The following DLC1 variants were observed in gnomAD, a reference collection of about 807,000 sequenced individuals.
DLC1 encodes DLC1 Rho GTPase activating protein, also known as rho GTPase-activating protein 7.
DLC1 carries 54 observed loss-of-function variants against 140.3 expected under a neutral mutation model. The ratio of observed to expected loss-of-function variants is 0.38; its 90% CI spans 0.31 to 0.48. DLC1 has a LOEUF of 0.48. Ranked by LOEUF, DLC1 falls within the 20% of genes least tolerant of loss-of-function variation. DLC1 has a pLI of 0.96. For synonymous variants in DLC1, 986 were observed against 728.1 expected, an observed-to-expected ratio of 1.35 and a Z score of -5.70; for missense variants, 2,536 against 1,907.0, an observed-to-expected ratio of 1.33 and a Z score of -6.14.
chr8:13,288,302 G>A (rs1390945272), intron 5 of DLC1, among the ~76,000 whole-genome samples: 1 of 152,024 alleles, frequency 6.6e-6, no homozygotes, highest in Non-Finnish European at 1.5e-5. Flanking sequence ...TCTGCAGATG[G>A]GGCAATGTAA....
intron 5 of DLC1, chr8:13,304,626 C>T (rs1009760295): frequency 2.2e-6 from 2 of 890,822 alleles, no homozygotes; most frequent in Non-Finnish European, 2.7e-6. Context: ...GATAATATAC[C>T]TTTAATCTGT....
intron 6 of DLC1, among the ~76,000 whole-genome samples, chr8:13,114,218 C>T (rs745473220): frequency 3.9e-4 from 59 of 152,226 alleles, no homozygotes; most frequent in South Asian, 8.3e-4. Flanking sequence ...AAAAATTGGC[C>T]GGGCATGGTG....
rs563998953 is a variant in DLC1 at position 13,389,402 on chromosome 8, G to A, written c.1314+4151C>T. On this transcript the variant is annotated intron_variant, in intron 4 of 17. Transcript: ENST00000276297. ...TTTACATAACATGATACAAGGGCTC[G>A]CGGGTTGTTTATGGAAGAGTCTAGT... Among the ~76,000 whole-genome samples the A allele has an allele frequency of 1.0e-3, 153 of 152,110 alleles. 3 individuals are homozygous for A. The highest frequency in any genetic ancestry group is 3.6e-3 in the African/African-American group (148 of 41,524).
intron 4 of DLC1, among the ~76,000 whole-genome samples, chr8:13,368,524 A>T (rs903245201): frequency 1.5e-4 from 21 of 144,704 alleles, no homozygotes; most frequent in South Asian, 4.4e-4. Flanking sequence ...AGGCAGTTAA[A>T]TTTTTTTTTT....
intron 1 of DLC1, among the ~76,000 whole-genome samples, chr8:13,598,684 A>T (rs186428720): frequency 2.0e-5 from 3 of 152,142 alleles, no homozygotes; most frequent in East Asian, 3.9e-4. Flanking sequence ...ACTTACTATT[A>T]TTGCATTACT....
Position 13,219,011 on chromosome 8 carries a change from T to C in DLC1, c.1348+86258A>G, listed in dbSNP as rs181216277. On this transcript the variant is annotated intron_variant, in intron 5 of 17. Coordinates refer to ENST00000276297, the MANE Select transcript of DLC1 (RefSeq NM_182643.3). ...ATAATTATATACGAATATAATTATATAATTATATACGTATATAATTATGTG... is the reference window on the plus strand; with the variant it reads ...ATAATTATATACGAATATAATTATACAATTATATACGTATATAATTATGTG... Among the ~76,000 whole-genome samples the C allele has an allele frequency of 7.5e-4, 29 of 38,782 alleles. 7 individuals are homozygous for C. Among genetic ancestry groups the C allele is most frequent in the African/African-American group, 2.2e-3 (17 of 7,678 alleles). 25.4% of individuals were successfully genotyped at this position (38,782 alleles called of 152,430 possible).
chr8:13,443,296 A>G (rs1337500991), intron 2 of DLC1, among the ~76,000 whole-genome samples: 2 of 149,894 alleles, frequency 1.3e-5, no homozygotes, highest in African/African-American at 2.5e-5. Context: ...TGGCACATGT[A>G]TACATATGTA....
chr8:13,410,444 C>G (rs992241814), intron 2 of DLC1, among the ~76,000 whole-genome samples: 1 of 151,946 alleles, frequency 6.6e-6, no homozygotes, highest in Non-Finnish European at 1.5e-5. Context: ...ATGTGTACCT[C>G]AAAAATCCAA....
intron 5 of DLC1, among the ~76,000 whole-genome samples, chr8:13,226,146 T>C (rs1828789110): frequency 6.6e-6 from 1 of 152,118 alleles, no homozygotes. Flanking sequence ...ACTTCTGAGC[T>C]CAAACAATCC....
At chr8:13,263,593 C>T (rs1342898113) in intron 5 of DLC1, among the ~76,000 whole-genome samples, 3 of 150,302 alleles carry the variant, frequency 2.0e-5, no homozygotes, top group African/African-American at 7.3e-5. Context: ...TATATCTGTA[C>T]ATATGTGTTT....
At chr8:13,558,864 C>G (rs1804145815) in intron 1 of DLC1, 4 of 152,172 alleles carry the variant, frequency 2.6e-5, no homozygotes, top group African/African-American at 4.8e-5. Context: ...GGGCCGATGA[C>G]TTTTACTTCA....
chr8:13,571,349 G>A (rs747788321), intron 1 of DLC1, among the ~76,000 whole-genome samples: 4 of 152,026 alleles, frequency 2.6e-5, no homozygotes, highest in Admixed American at 6.6e-5. Context: ...AACTCAACCC[G>A]TTCAGCAATA....
intron 1 of DLC1, among the ~76,000 whole-genome samples, chr8:13,505,305 A>G (rs1389055616): frequency 6.6e-6 from 1 of 152,118 alleles, no homozygotes; most frequent in African/African-American, 2.4e-5. Flanking sequence ...TAAGGGAGAT[A>G]GTCACTTTCT....
At chr8:13,155,213 A>G (rs1472919084) in intron 5 of DLC1, among the ~76,000 whole-genome samples, 2 of 151,258 alleles carry the variant, frequency 1.3e-5, no homozygotes, top group Admixed American at 6.6e-5. Flanking sequence ...ATAGAATTCT[A>G]TTATATGGCT....
chr8:13,591,972 T>C (rs1010480121), intron 1 of DLC1, among the ~76,000 whole-genome samples: 9 of 152,056 alleles, frequency 5.9e-5, no homozygotes, highest in Admixed American at 2.6e-4. Context: ...CAGCACCTGG[T>C]TACAAGTATC....
chr8:13,383,616 GT>G (rs1836372337), intron 4 of DLC1, among the ~76,000 whole-genome samples: 1 of 152,112 alleles, frequency 6.6e-6, no homozygotes, highest in East Asian at 1.9e-4. Context: ...ACATGCCCTT[GT>G]TTAGACCTTT....
At chr8:13,283,179 A>G (rs1273810651) in intron 5 of DLC1, among the ~76,000 whole-genome samples, 2 of 152,166 alleles carry the variant, frequency 1.3e-5, no homozygotes, top group Non-Finnish European at 2.9e-5. Context: ...CCATAGTATT[A>G]ATAAATGTTA....
chr8:13,480,305 T>G (rs1411739648), intron 2 of DLC1, among the ~76,000 whole-genome samples: 1 of 152,254 alleles, frequency 6.6e-6, no homozygotes, highest in African/African-American at 2.4e-5. Flanking sequence ...CAGGGAGATA[T>G]GTAAACCAGA....
At chr8:13,365,970 C>T (rs1038975204) in intron 4 of DLC1, among the ~76,000 whole-genome samples, 5 of 152,114 alleles carry the variant, frequency 3.3e-5, no homozygotes, top group Non-Finnish European at 5.9e-5. Context: ...GAAAATGTAC[C>T]AGCCAGAAGG....
Sources: gnomAD v4.1 joint callset for allele counts (sites outside exome capture counted in the v4.1 genomes callset) on GRCh38, gnomAD v4.1.1 for gene constraint, MANE v1.5 for transcripts, NCBI Gene and HGNC (gene_info 2026-07-23, HGNC 2026-07-21) for gene names.